SNX25: variants seen among roughly 807,000 people sequenced by gnomAD.
The protein encoded by SNX25 is sorting nexin-25.
SNX25 carries 62 observed loss-of-function variants against 113.7 expected under a neutral mutation model. That is an observed-to-expected ratio of 0.55 (90% CI 0.44 to 0.67). The LOEUF (loss-of-function observed/expected upper bound fraction) is 0.67. Among genes scored for constraint, SNX25 ranks in the 30% least tolerant of loss-of-function variants. The pLI is 0.00. For synonymous variants in SNX25, 421 were observed against 436.2 expected (o/e 0.97, Z 0.43); for missense variants, 1,014 against 1,161.0 (o/e 0.87, Z 1.84).
At chr4:185,289,510 G>A (rs918659860) in intron 6 of SNX25, among the ~76,000 whole-genome samples, 13 of 152,164 alleles carry the variant, frequency 8.5e-5, no homozygotes, top group African/African-American at 3.1e-4. Flanking sequence ...TGAAGAAAGG[G>A]AGAGAAGCCA....
At chr4:185,321,262 ATTTT>A (rs556737428) in intron 8 of SNX25, among the ~76,000 whole-genome samples, 3 of 137,244 alleles carry the variant, frequency 2.2e-5, no homozygotes, top group African/African-American at 5.4e-5. Flanking sequence ...TTTCATTTCA[ATTTT>A]TTTTTTTTTT....
intron 6 of SNX25, among the ~76,000 whole-genome samples, chr4:185,290,675 T>G (rs1350734561): frequency 2.0e-5 from 3 of 149,124 alleles, no homozygotes; most frequent in African/African-American, 7.5e-5. Context: ...CTGTCAAGAA[T>G]TTACTCTTAA....
intron 6 of SNX25, among the ~76,000 whole-genome samples, chr4:185,306,646 G>A (rs1307826543): frequency 6.6e-6 from 1 of 152,094 alleles, no homozygotes; most frequent in Non-Finnish European, 1.5e-5. Flanking sequence ...TGAGGTCTAG[G>A]TTTGTTTTAT....
At chr4:185,230,702 G>A (rs1741715697) in intron 1 of SNX25, among the ~76,000 whole-genome samples, 1 of 151,848 alleles carries the variant, frequency 6.6e-6, no homozygotes, top group Non-Finnish European at 1.5e-5. Flanking sequence ...CCTGGCCCAG[G>A]GATCATAATC....
intron 3 of SNX25, among the ~76,000 whole-genome samples, chr4:185,259,992 T>C (rs978262813): frequency 8.5e-5 from 13 of 152,164 alleles, no homozygotes; most frequent in African/African-American, 3.1e-4. Flanking sequence ...AGCCGTGACA[T>C]GCCCACGGTT....
At chr4:185,284,952 G>A (rs1751138727) in intron 5 of SNX25, among the ~76,000 whole-genome samples, 1 of 152,162 alleles carries the variant, frequency 6.6e-6, no homozygotes, top group Non-Finnish European at 1.5e-5. Context: ...TGAGAAGGAT[G>A]ATGGTACTAG....
intron 11 of SNX25, among the ~76,000 whole-genome samples, chr4:185,341,157 C>T (rs2095257946): frequency 6.6e-6 from 1 of 152,200 alleles, no homozygotes; most frequent in Non-Finnish European, 1.5e-5. Context: ...ATTGTTTTCT[C>T]TTAGCTTCTT....
the SNX25 span, chr4:185,376,966 T>G: frequency 6.2e-6 from 10 of 1,614,118 alleles, no homozygotes; most frequent in Non-Finnish European, 8.5e-6. Flanking sequence ...CTTTCAGTAT[T>G]CTTTCCTTCA....
intron 5 of SNX25, among the ~76,000 whole-genome samples, chr4:185,277,302 T>C (rs1157365614): frequency 2.0e-5 from 3 of 152,104 alleles, no homozygotes; most frequent in Admixed American, 6.5e-5. Flanking sequence ...GGATTACAGA[T>C]ATGAACCACT....
intron 6 of SNX25, among the ~76,000 whole-genome samples, chr4:185,300,196 G>A (rs1753437793): frequency 6.6e-6 from 1 of 150,864 alleles, no homozygotes; most frequent in African/African-American, 2.4e-5. Context: ...GCCTCGCTCT[G>A]TCGCCCAGGC....
At chr4:185,364,507 T>G (rs2095379738), downstream of SNX25, 1 of 152,110 alleles carries the variant, frequency 6.6e-6, no homozygotes, top group Admixed American at 6.6e-5. Context: ...TGAAAGATAC[T>G]CCCCTCATGC....
intron 13 of SNX25, among the ~76,000 whole-genome samples, chr4:185,347,383 C>T (rs560860788): frequency 1.3e-5 from 2 of 152,010 alleles, no homozygotes; most frequent in South Asian, 2.1e-4. Flanking sequence ...TTATCTTTTG[C>T]GTTTTTATTC....
intron 2 of SNX25, 152 bp from the exon 3 acceptor site, chr4:185,258,696 A>T (rs1746801163): frequency 1.6e-6 from 1 of 626,788 alleles, no homozygotes; most frequent in Admixed American, 3.1e-5. Flanking sequence ...TCGTTTTAAA[A>T]GACTTAGGAA....
intron 1 of SNX25, among the ~76,000 whole-genome samples, chr4:185,224,446 AATATATATATAG>A (rs1366211823): frequency 0.61 from 68,548 of 112,376 alleles, 20,665 homozygotes; most frequent in East Asian, 0.7. Flanking sequence ...TAGATATATA[AATATATATATAG>A]ATATATAAAT....
downstream of SNX25, chr4:185,370,630 T>A: frequency 6.2e-7 from 1 of 1,612,254 alleles, no homozygotes; most frequent in Non-Finnish European, 8.5e-7. Context: ...TATTTTGTTC[T>A]AAAGCTTACT....
intron 5 of SNX25, among the ~76,000 whole-genome samples, chr4:185,274,622 C>T (rs1204698071): frequency 1.3e-5 from 2 of 152,170 alleles, no homozygotes; most frequent in East Asian, 1.9e-4. Context: ...GAGAAACATG[C>T]AGCTTTCCTG....
At chr4:185,277,231 G>T (rs997411507) in intron 5 of SNX25, among the ~76,000 whole-genome samples, 1 of 152,086 alleles carries the variant, frequency 6.6e-6, no homozygotes, top group Non-Finnish European at 1.5e-5. Context: ...CACCATGTTG[G>T]CCAGGCTGGT....
upstream of SNX25, among the ~76,000 whole-genome samples, chr4:185,208,732 A>T (rs1182694179): frequency 1.3e-5 from 2 of 149,834 alleles, no homozygotes; most frequent in African/African-American, 4.9e-5. Flanking sequence ...TCAAAAAAAA[A>T]GAAAAAAAGA....
Position 185,339,430 on chromosome 4 carries a change from G to C in SNX25, c.1966G>C (p.Asp656His). ...EIILIEKERT[D>H]LQLHMARTDW... is the part of the protein sequence containing the mutation. Reference sequence around the variant, plus strand: ...AATCCTAATAGAGAAAGAACGCACAGACCTTCAGCTGCACATGGCAAGAAC... The same window carrying C: ...AATCCTAATAGAGAAAGAACGCACACACCTTCAGCTGCACATGGCAAGAAC... The change falls in exon 11 of 19, where the codon GAC becomes CAC. Residue 656 changes from aspartate (D) to histidine (H), a missense_variant. Transcript: ENST00000652585. 6.2e-7 allele frequency: 1 copy of C among 1,614,128 alleles called. No homozygotes were observed. The highest frequency in any genetic ancestry group is 8.5e-7 in the Non-Finnish European group (1 of 1,179,994).
Sources: allele counts gnomAD v4.1 joint callset (sites outside exome capture counted in the v4.1 genomes callset), GRCh38; gene constraint gnomAD v4.1.1; transcripts MANE v1.5; gene names NCBI Gene and HGNC (gene_info 2026-07-23, HGNC 2026-07-21).